RBM19: variants seen among roughly 807,000 people sequenced by gnomAD.
RBM19 encodes the protein RNA binding motif protein 19.
A neutral mutation model predicts 116.8 loss-of-function variants in RBM19; 94 were observed. The observed-to-expected ratio is 0.80, with a 90% confidence interval of 0.68 to 0.95. The LOEUF (loss-of-function observed/expected upper bound fraction) is 0.95. Among genes scored for constraint, RBM19 ranks in the 40% least tolerant of loss-of-function variants. The probability of loss-of-function intolerance (pLI) is 0.00; values close to 1 mark genes in which losing one functional copy is unlikely to be tolerated. For missense variants in RBM19, 1,161 were observed against 1,220.7 expected, an observed-to-expected ratio of 0.95 and a Z score of 0.73; for synonymous variants, 475 against 494.1, an observed-to-expected ratio of 0.96 and a Z score of 0.51.
chr12:113,942,291 T>A (rs777414180), intron 14 of RBM19, 33 bp downstream of exon 14: 14 of 1,586,820 alleles, frequency 8.8e-6, no homozygotes, highest in Admixed American at 1.7e-5. Context: ...CTCCAGTGGC[T>A]GCTGGCTGGC....
chr12:113,950,215 C>T (rs1400264295), intron 8 of RBM19, 61 bp from the exon 9 acceptor site: 9 of 1,339,482 alleles, frequency 6.7e-6, no homozygotes, highest in African/African-American at 5.7e-5. Context: ...GTGGTGGTCC[C>T]CAGAGGAACA....
chr12:113,939,841 G>A (rs201726888), intron 15 of RBM19, 119 bp downstream of exon 15: 2 of 1,045,296 alleles, frequency 1.9e-6, no homozygotes, highest in Non-Finnish European at 1.4e-6. Context: ...CGTGACGGGC[G>A]GTTTAGGGTG....
chr12:113,961,238 C>T (rs1480908727), intron 2 of RBM19, among the ~76,000 whole-genome samples: 1 of 152,086 alleles, frequency 6.6e-6, no homozygotes, highest in African/African-American at 2.4e-5. Context: ...GTTGCACAGG[C>T]TGGTCTTGAA....
intron 21 of RBM19, among the ~76,000 whole-genome samples, chr12:113,888,965 G>A (rs972195250): frequency 7.9e-5 from 12 of 152,190 alleles, no homozygotes; most frequent in African/African-American, 2.4e-4. Flanking sequence ...TCTGGACGTC[G>A]CAATGACTGT....
chr12:113,943,876 A>C (rs1466566937), intron 13 of RBM19, among the ~76,000 whole-genome samples: 1 of 151,986 alleles, frequency 6.6e-6, no homozygotes, highest in Non-Finnish European at 1.5e-5. Flanking sequence ...ATATATTATT[A>C]ATATTAATTT....
At chr12:113,837,198 C>T (rs1456533737) in intron 23 of RBM19, among the ~76,000 whole-genome samples, 3 of 150,406 alleles carry the variant, frequency 2.0e-5, no homozygotes. Flanking sequence ...CAGACACACA[C>T]ACACACTCTC....
chr12:113,826,014 C>G (rs555289382), intron 23 of RBM19, among the ~76,000 whole-genome samples: 1 of 152,342 alleles, frequency 6.6e-6, no homozygotes, highest in East Asian at 1.9e-4. Flanking sequence ...CCCTCCCACT[C>G]TGCTCAGGCA....
downstream of RBM19, among the ~76,000 whole-genome samples, chr12:113,819,887 A>G: frequency 6.6e-6 from 1 of 152,226 alleles, no homozygotes; most frequent in East Asian, 1.9e-4. Flanking sequence ...GCATTCTAGA[A>G]CAATGATGAT....
intron 5 of RBM19, among the ~76,000 whole-genome samples, chr12:113,958,869 T>C (rs956750434): frequency 3.9e-5 from 6 of 152,210 alleles, no homozygotes; most frequent in Non-Finnish European, 8.8e-5. Context: ...TCCTATGATA[T>C]ACCCAACAGT....
Position 113,882,621 on chromosome 12 carries a change from C to T in RBM19, c.2559-23725G>A, listed in dbSNP as rs139495374. Among the ~76,000 whole-genome samples, 719 of 152,282 alleles carry T rather than the reference C, an allele frequency of 4.7e-3. 9 individuals are homozygous for T. Among genetic ancestry groups the T allele is most frequent in the African/African-American group, 0.016 (669 of 41,552 alleles). ...GGATTCTAAATGAGAGCTGGAGGCA[C>T]GGGGGGAGGGAGAAGACTGAGAATT... On this transcript the variant is annotated intron_variant, in intron 21 of 23. Transcript: ENST00000261741.
intron 21 of RBM19, among the ~76,000 whole-genome samples, chr12:113,879,246 T>C (rs1879912318): frequency 6.6e-6 from 1 of 152,094 alleles, no homozygotes. Flanking sequence ...TCTTGCATGT[T>C]ATGTTCATTG....
chr12:113,952,375 G>T, intron 8 of RBM19, 137 bp downstream of exon 8: 1 of 744,806 alleles, frequency 1.3e-6, no homozygotes. Flanking sequence ...TGCCCAGGCT[G>T]ACCACATCCA....
chr12:113,868,925 C>A (rs371729041), intron 21 of RBM19, among the ~76,000 whole-genome samples: 2 of 152,272 alleles, frequency 1.3e-5, no homozygotes, highest in East Asian at 3.9e-4. Flanking sequence ...CAGCCCGGCA[C>A]CTGCCACCAC....
At chr12:113,830,589 G>GGGGGGTT (rs1565960614) in intron 23 of RBM19, among the ~76,000 whole-genome samples, 1 of 73,082 alleles carries the variant, frequency 1.4e-5, no homozygotes, top group African/African-American at 6.4e-5. Flanking sequence ...GGGGGGGGGG[G>GGGGGGTT]TGGGCTATGC....
intron 22 of RBM19, among the ~76,000 whole-genome samples, chr12:113,847,802 C>A (rs1877121679): frequency 6.6e-6 from 1 of 152,210 alleles, no homozygotes; most frequent in Non-Finnish European, 1.5e-5. Flanking sequence ...TCCCGTACCA[C>A]AGAAAGCCCA....
chr12:113,832,725 CCT>C (rs775622672), intron 23 of RBM19, among the ~76,000 whole-genome samples: 5 of 152,186 alleles, frequency 3.3e-5, no homozygotes, highest in Admixed American at 2.6e-4. Context: ...TTACAGAAAA[CCT>C]CTGTCTCCAG....
intron 14 of RBM19, among the ~76,000 whole-genome samples, chr12:113,941,336 C>T (rs1300566720): frequency 1.3e-5 from 2 of 152,186 alleles, no homozygotes; most frequent in Admixed American, 1.3e-4. Context: ...GCCAGAAGGC[C>T]TGTGTTCAAA....
chr12:113,948,870 G>T lies in RBM19; in HGVS notation c.1239C>A (p.Ser413Arg), dbSNP rs1191382165. The T allele has an allele frequency of 6.2e-7, 1 of 1,614,216 alleles. No individual in the cohort carries two copies. The highest frequency in any genetic ancestry group is 1.1e-5 in the South Asian group (1 of 91,082). ...AGAGCTTCTCCAGATCCTCCTCGGT[G>T]CTGGTGTAGGGCAGGTTCCGTACAA... ...RLFVRNLPYT[S>R]TEEDLEKLFS... Residue 413 changes from serine to arginine, a missense_variant, in exon 10 of 24, where the codon AGC becomes AGA. Ser to Arg is a moderately radical substitution (Grantham distance 110). Transcript: ENST00000261741.
At chr12:113,955,011 T>A in intron 7 of RBM19, 120 bp downstream of exon 7, 1 of 971,516 alleles carries the variant, frequency 1.0e-6, no homozygotes, top group Non-Finnish European at 1.6e-6. Context: ...GGCCCCCAAT[T>A]CCTTCCAGCT....
Sources: gnomAD v4.1 joint callset for allele counts (sites outside exome capture counted in the v4.1 genomes callset) on GRCh38, gnomAD v4.1.1 for gene constraint, MANE v1.5 for transcripts, NCBI Gene and HGNC (gene_info 2026-07-23, HGNC 2026-07-21) for gene names.